PPARG: variants seen among roughly 807,000 people sequenced by gnomAD.
PPARG encodes peroxisome proliferator activated receptor gamma.
In PPARG, 17 loss-of-function variants were observed where a neutral mutation model predicts 39.2. The observed-to-expected ratio is 0.43, with a 90% CI of 0.30 to 0.65. The LOEUF (loss-of-function observed/expected upper bound fraction) is 0.65, where lower values mean the gene tolerates loss of function less well. Ranked by LOEUF, PPARG falls within the 30% of genes least tolerant of loss-of-function variation. The pLI is 0.13. For missense variants in PPARG, 406 were observed against 585.9 expected (o/e 0.69, Z 3.17); for synonymous variants, 223 against 215.7 (o/e 1.03, Z -0.30).
intron 2 of PPARG, among the ~76,000 whole-genome samples, chr3:12,356,605 C>T (rs1422553167): frequency 6.6e-6 from 1 of 152,188 alleles, no homozygotes; most frequent in African/African-American, 2.4e-5. Flanking sequence ...GTGCAAACTG[C>T]CAATAGTCCT....
intron 2 of PPARG, among the ~76,000 whole-genome samples, chr3:12,359,603 G>A (rs1423950239): frequency 6.6e-6 from 1 of 151,744 alleles, no homozygotes; most frequent in African/African-American, 2.4e-5. Context: ...AAGCAGAATA[G>A]GCCTTATATA....
chr3:12,418,827 A>G (rs536942073), intron 7 of PPARG, among the ~76,000 whole-genome samples: 1 of 152,210 alleles, frequency 6.6e-6, no homozygotes, highest in African/African-American at 2.4e-5. Context: ...CTAGGGTGCA[A>G]ATAGATCACA....
At chr3:12,334,994 G>C (rs1479080752) in intron 2 of PPARG, among the ~76,000 whole-genome samples, 1 of 152,162 alleles carries the variant, frequency 6.6e-6, no homozygotes, top group Non-Finnish European at 1.5e-5. Flanking sequence ...GAGTCACAAG[G>C]CCCATCATAA....
intron 7 of PPARG, among the ~76,000 whole-genome samples, chr3:12,423,674 A>T (rs1233090781): frequency 1.3e-5 from 2 of 152,192 alleles, no homozygotes; most frequent in African/African-American, 4.8e-5. Flanking sequence ...CAAAACATAG[A>T]TATTAAAAAT....
intron 4 of PPARG, among the ~76,000 whole-genome samples, chr3:12,383,171 T>C (rs999834999): frequency 1.1e-4 from 16 of 152,260 alleles, no homozygotes; most frequent in Admixed American, 2.0e-4. Context: ...GCCCCCCATA[T>C]GTAAAATGAC....
At chr3:12,317,666 T>TA (rs1171595664) in intron 2 of PPARG, among the ~76,000 whole-genome samples, 1 of 152,158 alleles carries the variant, frequency 6.6e-6, no homozygotes, top group Non-Finnish European at 1.5e-5. Flanking sequence ...TTCACTCAAT[T>TA]AAAAAAATAT....
intron 6 of PPARG, among the ~76,000 whole-genome samples, chr3:12,408,300 T>C (rs1215586458): frequency 1.3e-5 from 2 of 152,348 alleles, no homozygotes; most frequent in Non-Finnish European, 1.5e-5. Flanking sequence ...TGTTCTGTTC[T>C]TTTCAAATTA....
intron 2 of PPARG, among the ~76,000 whole-genome samples, chr3:12,367,650 A>C (rs531638377): frequency 1.3e-5 from 2 of 151,944 alleles, no homozygotes; most frequent in East Asian, 3.9e-4. Flanking sequence ...GGAGTTTGAG[A>C]ATAGCCTGGG....
At chr3:12,288,172 G>A (rs984764250), upstream of PPARG, among the ~76,000 whole-genome samples, 5 of 152,026 alleles carry the variant, frequency 3.3e-5, no homozygotes, top group South Asian at 1.0e-3. Context: ...TGAGAGCTGG[G>A]GAGAAGGGGG....
In PPARG at chr3:12,371,975, T is replaced by A. The variant is rs113661458; in HGVS notation, c.-8-7729T>A. 5.4e-5 allele frequency: 39 copies of A among 716,212 alleles called. No individual in the cohort carries two copies. The African/African-American group carries it at 6.5e-4, about 12-fold the overall frequency. 44.4% of individuals were successfully genotyped at this position (716,212 alleles called of 1,614,324 possible). On this transcript the variant is annotated intron_variant, in intron 2 of 7. Transcript: ENST00000651735. The stretch of plus-strand genomic sequence containing the variant: ...CATGAATCAGTAAGGATGGGCTGGA[T>A]AAACAAGTTGGAACCACAGTTATGA...
intron 1 of PPARG, among the ~76,000 whole-genome samples, chr3:12,309,158 G>A (rs1266714245): frequency 1.3e-5 from 2 of 152,114 alleles, no homozygotes; most frequent in African/African-American, 2.4e-5. Context: ...TACATTTTGG[G>A]AAATGCTGCT....
At chr3:12,319,931 T>C (rs551371786) in intron 2 of PPARG, among the ~76,000 whole-genome samples, 1 of 152,202 alleles carries the variant, frequency 6.6e-6, no homozygotes, top group Non-Finnish European at 1.5e-5. Flanking sequence ...ACTGTAATAA[T>C]TGCCTTGACT....
chr3:12,306,855 T>C lies in PPARG; in HGVS notation c.-82-5525T>C, dbSNP rs532201485. Reference sequence around the variant, plus strand: ...CTCACGCCTGTAATCCCCCAGCACTTTGGGAGGCCGAGGCTGGTGGATCAC... The same window carrying C: ...CTCACGCCTGTAATCCCCCAGCACTCTGGGAGGCCGAGGCTGGTGGATCAC... On this transcript the variant is annotated intron_variant, in intron 1 of 7. Transcript: ENST00000651735. Among the ~76,000 whole-genome samples the C allele has an allele frequency of 5.4e-4, 82 of 151,994 alleles. 1 individual carries two copies. The highest frequency in any genetic ancestry group is 2.0e-3 in the African/African-American group (82 of 41,438).
chr3:12,317,929 C>G (rs901340370), intron 2 of PPARG, among the ~76,000 whole-genome samples: 10 of 152,174 alleles, frequency 6.6e-5, no homozygotes, highest in Non-Finnish European at 1.3e-4. Flanking sequence ...GAGAGTGAAG[C>G]GCTTCAATAG....
At chr3:12,390,769 A>G (rs1312441248) in intron 4 of PPARG, among the ~76,000 whole-genome samples, 1 of 150,084 alleles carries the variant, frequency 6.7e-6, no homozygotes, top group East Asian at 2.0e-4. Context: ...CTCAGCCGCC[A>G]GAGTAGTAGC....
chr3:12,363,169 C>G (rs2048907763), intron 2 of PPARG, among the ~76,000 whole-genome samples: 1 of 152,198 alleles, frequency 6.6e-6, no homozygotes, highest in South Asian at 2.1e-4. Flanking sequence ...ATCCTCCCAC[C>G]TTGGCCTCCC....
chr3:12,303,423 A>G (rs1043579773), intron 1 of PPARG, among the ~76,000 whole-genome samples: 9 of 151,934 alleles, frequency 5.9e-5, no homozygotes, highest in African/African-American at 2.2e-4. Flanking sequence ...CTGGTTTCGA[A>G]CTCCTGACCT....
intron 1 of PPARG, among the ~76,000 whole-genome samples, chr3:12,310,137 T>G (rs979491554): frequency 3.3e-5 from 5 of 152,138 alleles, no homozygotes; most frequent in African/African-American, 1.2e-4. Flanking sequence ...GGAAGAGGAC[T>G]GGTAGCAGGA....
At chr3:12,389,783 G>A (rs1056733945) in intron 4 of PPARG, among the ~76,000 whole-genome samples, 1 of 152,098 alleles carries the variant, frequency 6.6e-6, no homozygotes, top group South Asian at 2.1e-4. Context: ...TATAATCCCA[G>A]CTACCCAGAA....
Sources: allele counts gnomAD v4.1 joint callset (sites outside exome capture counted in the v4.1 genomes callset), GRCh38; gene constraint gnomAD v4.1.1; transcripts MANE v1.5; gene names NCBI Gene and HGNC (gene_info 2026-07-23, HGNC 2026-07-21).